Variants in CTNNA2 observed in about 807,000 individuals in gnomAD.
The protein encoded by CTNNA2 is catenin alpha 2, also known as catenin alpha-2.
CTNNA2 carries 42 observed loss-of-function variants against 101.0 expected under a neutral mutation model. The ratio of observed to expected loss-of-function variants is 0.42; its 90% confidence interval spans 0.32 to 0.54. The LOEUF is 0.54. Among genes scored for constraint, CTNNA2 ranks in the 20% least tolerant of loss-of-function variants. The pLI is 0.14. For synonymous variants in CTNNA2, 450 were observed against 456.4 expected (o/e 0.99, Z 0.18); for missense variants, 871 against 1,223.1 (o/e 0.71, Z 4.29).
At chr2:79,189,027 G>A (rs1033786684) in intron 1 of CTNNA2, among the ~76,000 whole-genome samples, 3 of 152,254 alleles carry the variant, frequency 2.0e-5, no homozygotes, top group Admixed American at 6.5e-5. Context: ...GACACATTGC[G>A]TATGTTTAAC....
chr2:79,380,312 G>A (rs1678025297), intron 4 of CTNNA2, among the ~76,000 whole-genome samples: 1 of 151,102 alleles, frequency 6.6e-6, no homozygotes, highest in African/African-American at 2.4e-5. Context: ...GTTCAGGGAT[G>A]AGAGGTTTCA....
chr2:79,872,279 C>T (rs1468811727), intron 5 of CTNNA2, among the ~76,000 whole-genome samples: 1 of 151,720 alleles, frequency 6.6e-6, no homozygotes, highest in African/African-American at 2.4e-5. Context: ...TAGATTGTTT[C>T]CAGTTTTCTT....
chr2:80,305,969 A>G (rs1302578350), intron 7 of CTNNA2, among the ~76,000 whole-genome samples: 4 of 152,194 alleles, frequency 2.6e-5, no homozygotes, highest in Non-Finnish European at 4.4e-5. Flanking sequence ...AGTGGCACTT[A>G]CTTTGATAGG....
At chr2:79,436,503 C>T (rs1258386805) in intron 4 of CTNNA2, among the ~76,000 whole-genome samples, 1 of 152,120 alleles carries the variant, frequency 6.6e-6, no homozygotes, top group African/African-American at 2.4e-5. Context: ...ACTGATCCCA[C>T]ACCTAGAGAT....
intron 8 of CTNNA2, among the ~76,000 whole-genome samples, chr2:80,395,365 C>A (rs982441997): frequency 1.3e-5 from 2 of 152,206 alleles, no homozygotes; most frequent in African/African-American, 4.8e-5. Context: ...CACACTGTAT[C>A]CATGAATTTG....
intron 4 of CTNNA2, among the ~76,000 whole-genome samples, chr2:79,480,297 T>C (rs907246731): frequency 2.6e-5 from 4 of 152,178 alleles, no homozygotes; most frequent in South Asian, 2.1e-4. Context: ...ACCTCCAACA[T>C]TGGGTATTAC....
At chr2:79,570,823 T>C (rs963093138) in intron 1 of CTNNA2, among the ~76,000 whole-genome samples, 2 of 152,094 alleles carry the variant, frequency 1.3e-5, no homozygotes, top group Non-Finnish European at 2.9e-5. Context: ...TTAAATGTCA[T>C]ACAGAGTTAC....
intron 7 of CTNNA2, among the ~76,000 whole-genome samples, chr2:79,943,110 G>C (rs1440212036): frequency 6.6e-6 from 1 of 152,082 alleles, no homozygotes; most frequent in Non-Finnish European, 1.5e-5. Flanking sequence ...CCAGCTACTC[G>C]GTAGGCTGAA....
At chr2:80,383,406 C>A (rs1165177283) in intron 7 of CTNNA2, among the ~76,000 whole-genome samples, 1 of 152,156 alleles carries the variant, frequency 6.6e-6, no homozygotes, top group Admixed American at 6.5e-5. Context: ...AGAGTTTCAT[C>A]CTGAGTTCTT....
intron 3 of CTNNA2, among the ~76,000 whole-genome samples, chr2:79,843,672 C>A (rs1267134185): frequency 6.6e-6 from 1 of 152,190 alleles, no homozygotes. Flanking sequence ...TCTTACCCAG[C>A]CATACCTTTA....
At position 79,203,002 on chromosome 2, in the gene CTNNA2, AT is replaced by A. The variant is rs371202842; in HGVS notation, c.-406+4927del. Among the ~76,000 whole-genome samples, 146 of 152,288 alleles carry A rather than the reference AT, an allele frequency of 9.6e-4. 1 individual carries two copies. Among genetic ancestry groups the A allele is most frequent in the Middle Eastern group, 3.4e-3 (1 of 294 alleles). Reference sequence around the variant, plus strand: ...TAAAGTTCTTTAACTCCTTTCTTCCATGTAGAATTTCTCAGTTGACAGCTTA... The same window carrying A: ...TAAAGTTCTTTAACTCCTTTCTTCCAGTAGAATTTCTCAGTTGACAGCTTA... On this transcript the variant is annotated intron_variant, in intron 2 of 21. Transcript: ENST00000466387.
At chr2:79,541,848 A>G (rs1467981262) in intron 1 of CTNNA2, among the ~76,000 whole-genome samples, 2 of 151,834 alleles carry the variant, frequency 1.3e-5, no homozygotes, top group Non-Finnish European at 2.9e-5. Flanking sequence ...GATGGTGTCG[A>G]TCTCTTGACC....
intron 7 of CTNNA2, among the ~76,000 whole-genome samples, chr2:80,206,828 T>G (rs1707564906): frequency 6.6e-6 from 1 of 152,224 alleles, no homozygotes; most frequent in Admixed American, 6.5e-5. Context: ...CATGATAGAT[T>G]TCCTCTAAAT....
rs1400508957 is a variant in CTNNA2 at position 79,372,439 on chromosome 2, T to G, written c.-317-1392T>G. 2.6e-5 allele frequency among the ~76,000 whole-genome samples: 4 copies of G among 152,290 alleles called. No homozygotes were observed. In the South Asian group the frequency reaches 8.3e-4, roughly 32 times the overall value. On this transcript the variant is annotated intron_variant, in intron 3 of 21. Transcript: ENST00000466387. ...GTCTTCTCCATTCCCAAGGTAATCA[T>G]GTGCTCTGTGTATATCCTACTCGAG...
intron 4 of CTNNA2, among the ~76,000 whole-genome samples, chr2:79,472,419 C>T (rs1225820813): frequency 6.6e-6 from 1 of 152,192 alleles, no homozygotes; most frequent in Non-Finnish European, 1.5e-5. Context: ...ACAATGGTCC[C>T]ACCTTTCAAA....
intron 3 of CTNNA2, among the ~76,000 whole-genome samples, chr2:79,325,201 T>C (rs1676717951): frequency 6.6e-6 from 1 of 152,074 alleles, no homozygotes; most frequent in Admixed American, 6.5e-5. Context: ...AATAGGTATA[T>C]CAATGGGGGG....
intron 4 of CTNNA2, among the ~76,000 whole-genome samples, chr2:79,437,757 C>T (rs940325376): frequency 1.2e-4 from 19 of 152,168 alleles, no homozygotes; most frequent in African/African-American, 2.4e-5. Context: ...AAGCGTTTCA[C>T]TTTCTTTTTC....
At chr2:80,427,866 A>G (rs1199974399) in intron 9 of CTNNA2, among the ~76,000 whole-genome samples, 1 of 152,250 alleles carries the variant, frequency 6.6e-6, no homozygotes, top group African/African-American at 2.4e-5. Flanking sequence ...CAACATAACC[A>G]TGAACAAATC....
chr2:79,800,488 G>GA (rs1289317941), intron 3 of CTNNA2, among the ~76,000 whole-genome samples: 2 of 151,966 alleles, frequency 1.3e-5, no homozygotes. Context: ...GTCCAAAATT[G>GA]AAAAATACAG....
Sources: gnomAD v4.1 joint callset for allele counts (sites outside exome capture counted in the v4.1 genomes callset) on GRCh38, gnomAD v4.1.1 for gene constraint, MANE v1.5 for transcripts, NCBI Gene and HGNC (gene_info 2026-07-23, HGNC 2026-07-21) for gene names.